Variants in MMP26 observed in about 807,000 individuals in gnomAD.
MMP26 encodes matrix metalloproteinase-26.
Under a neutral mutation model 31.0 loss-of-function variants are expected in MMP26, and 33 were observed. That is an observed-to-expected ratio of 1.06 (90% CI 0.81 to 1.42). The LOEUF (loss-of-function observed/expected upper bound fraction) is 1.42, where lower values mean the gene tolerates loss of function less well. Among genes scored for constraint, MMP26 ranks in the 40% most tolerant of loss-of-function variants. MMP26 has a pLI of 0.00. For synonymous variants in MMP26, 122 were observed against 114.9 expected (o/e 1.06, Z -0.40); for missense variants, 347 against 316.1 (o/e 1.10, Z -0.74).
At chr11:4,720,587 C>T (rs1847997167) in intron 1 of MMP26, among the ~76,000 whole-genome samples, 1 of 152,200 alleles carries the variant, frequency 6.6e-6, no homozygotes, top group African/African-American at 2.4e-5. Flanking sequence ...GGGATAATAA[C>T]TACAGGAAGT....
At chr11:4,820,869 T>C (rs1223465477) in intron 2 of MMP26, among the ~76,000 whole-genome samples, 2 of 151,890 alleles carry the variant, frequency 1.3e-5, no homozygotes, top group East Asian at 1.9e-4. Flanking sequence ...TCCCAACAAA[T>C]GCGATCAATA....
intron 2 of MMP26, among the ~76,000 whole-genome samples, chr11:4,930,415 G>A (rs1851330883): frequency 6.6e-6 from 1 of 152,068 alleles, no homozygotes; most frequent in South Asian, 2.1e-4. Context: ...CAAAGTAATA[G>A]TGTCAGTGCT....
intron 1 of MMP26, among the ~76,000 whole-genome samples, chr11:4,730,202 C>T (rs1382299323): frequency 6.6e-6 from 1 of 152,018 alleles, no homozygotes; most frequent in Admixed American, 6.6e-5. Flanking sequence ...ATGGGACATA[C>T]GAGGTGCCCC....
chr11:4,803,675 C>T (rs1160378021), intron 2 of MMP26: 1 of 1,613,882 alleles, frequency 6.2e-7, no homozygotes, highest in African/African-American at 1.3e-5. Context: ...TTGAGGCGGG[C>T]TTCACCTGAG....
chr11:4,803,985 T>C (rs769863654), intron 2 of MMP26: 2 of 1,612,734 alleles, frequency 1.2e-6, no homozygotes, highest in Non-Finnish European at 1.7e-6. Flanking sequence ...AGTGTCGGAG[T>C]GGGAAGCAGA....
chr11:4,709,207 G>A (rs1189747713), intron 1 of MMP26, among the ~76,000 whole-genome samples: 1 of 152,068 alleles, frequency 6.6e-6, no homozygotes, highest in Non-Finnish European at 1.5e-5. Context: ...TGGCTGTCCG[G>A]AAATATCCCA....
At chr11:4,737,982 A>G (rs1181417783) in intron 1 of MMP26, among the ~76,000 whole-genome samples, 2 of 151,812 alleles carry the variant, frequency 1.3e-5, no homozygotes, top group Non-Finnish European at 2.9e-5. Context: ...ATGCCCCACT[A>G]TTTTTCGTTT....
chr11:4,790,694 A>G (rs1388003187), intron 2 of MMP26, among the ~76,000 whole-genome samples: 6 of 152,144 alleles, frequency 3.9e-5, no homozygotes, highest in African/African-American at 1.4e-4. Flanking sequence ...CGTCTTCCAC[A>G]CACCCTCTCC....
Position 4,898,297 on chromosome 11 carries a change from A to G in MMP26, c.-144-89771A>G, listed in dbSNP as rs1251431840. 3.9e-5 allele frequency among the ~76,000 whole-genome samples: 6 copies of G among 151,980 alleles called. No individual in the cohort carries two copies. The East Asian group carries it at 1.2e-3, about 29-fold the overall frequency. The stretch of plus-strand genomic sequence containing the variant: ...GACATTGGCTGTCATTCTAACCATT[A>G]TTTCTCTACTTGTATATCTTTTTCC... On this transcript the variant is annotated intron_variant, in intron 2 of 7. Transcript: ENST00000380390.
intron 2 of MMP26, among the ~76,000 whole-genome samples, chr11:4,932,620 T>C (rs937982655): frequency 6.6e-6 from 1 of 152,128 alleles, no homozygotes; most frequent in Non-Finnish European, 1.5e-5. Context: ...ATGTGGAGAA[T>C]AGACAAGACA....
At chr11:4,792,191 A>G (rs1849036696) in intron 2 of MMP26, among the ~76,000 whole-genome samples, 1 of 152,078 alleles carries the variant, frequency 6.6e-6, no homozygotes, top group Admixed American at 6.6e-5. Flanking sequence ...TGACTCAAAA[A>G]AAAAAAAGGA....
At chr11:4,910,007 A>T (rs1850965072) in intron 2 of MMP26, among the ~76,000 whole-genome samples, 2 of 152,094 alleles carry the variant, frequency 1.3e-5, no homozygotes, top group South Asian at 4.1e-4. Context: ...TCTGCATAAC[A>T]AATTATTAAA....
intron 2 of MMP26, among the ~76,000 whole-genome samples, chr11:4,901,462 C>A (rs1357802933): frequency 6.6e-6 from 1 of 151,888 alleles, no homozygotes; most frequent in Admixed American, 6.6e-5. Flanking sequence ...GCCCGGCCCC[C>A]TCTTTGTGCT....
chr11:4,825,556 A>C (rs977330973), intron 2 of MMP26, among the ~76,000 whole-genome samples: 5 of 152,168 alleles, frequency 3.3e-5, no homozygotes, highest in African/African-American at 1.2e-4. Flanking sequence ...GAGGCAGATA[A>C]TAAAATCAGC....
rs527733846 is a variant in MMP26 at position 4,807,568 on chromosome 11, G to A, written c.-145+40227G>A. 9.0e-5 allele frequency among the ~76,000 whole-genome samples: 12 copies of A among 133,438 alleles called. No homozygotes were observed. In the South Asian group the frequency reaches 1.8e-3, roughly 20 times the overall value. 87.5% of individuals were successfully genotyped at this position (133,438 alleles called of 152,430 possible). ...TACTCATAGGTGGGAGTTGAACAAC[G>A]AGAACACATGGATACAGGGTGGGGA... On this transcript the variant is annotated intron_variant, in intron 2 of 7. Transcript: ENST00000380390.
At position 4,951,552 on chromosome 11, in the gene MMP26, C is replaced by T. The variant is rs1338346778; in HGVS notation, c.-144-36516C>T. On this transcript the variant is annotated intron_variant, in intron 2 of 7. Transcript: ENST00000380390. ...TATTGGCTGTTCTAGTAGATAAATA[C>T]TGGGTTGTTAGGTTTCTTAAAAAAT... Among the ~76,000 whole-genome samples the T allele has an allele frequency of 2.4e-5, 3 of 123,952 alleles. 1 individual carries two copies. The highest frequency in any genetic ancestry group is 4.6e-4 in the East Asian group (2 of 4,366). 81.3% of individuals were successfully genotyped at this position (123,952 alleles called of 152,430 possible). A position where few individuals can be genotyped will look rare whatever the true frequency, so the allele number is the denominator to read the frequency against.
chr11:4,767,613 T>C (rs7941678), intron 2 of MMP26, among the ~76,000 whole-genome samples: 28,195 of 152,024 alleles, frequency 0.19, 3,992 homozygotes, highest in African/African-American at 0.4. Flanking sequence ...TATATAAATA[T>C]TTAAAAGAAT....
intron 1 of MMP26, chr11:4,711,154 T>C (rs1847857630): frequency 6.6e-6 from 1 of 152,224 alleles, no homozygotes; most frequent in African/African-American, 2.4e-5. Flanking sequence ...TCATTCATTA[T>C]ACATTGCAAT....
chr11:4,946,421 A>C (rs28673258), intron 2 of MMP26: 2 of 1,554,604 alleles, frequency 1.3e-6, no homozygotes. Flanking sequence ...TGCAATTCCC[A>C]GTACAGTCTT....
Sources: gnomAD v4.1 joint callset for allele counts (sites outside exome capture counted in the v4.1 genomes callset) on GRCh38, gnomAD v4.1.1 for gene constraint, MANE v1.5 for transcripts, NCBI Gene and HGNC (gene_info 2026-07-23, HGNC 2026-07-21) for gene names.